Variants in COL6A5 observed in about 807,000 individuals in gnomAD.
The protein encoded by COL6A5 is collagen type VI alpha 5 chain.
A neutral mutation model predicts 65.6 loss-of-function variants in COL6A5; 48 were observed. The ratio of observed to expected loss-of-function variants is 0.73; its 90% CI spans 0.58 to 0.93. COL6A5 has a LOEUF of 0.93. Among genes scored for constraint, COL6A5 ranks in the 40% least tolerant of loss-of-function variants. The pLI, the probability that COL6A5 is intolerant of heterozygous loss-of-function variation, is 0.00. For synonymous variants in COL6A5, 291 were observed against 322.8 expected (o/e 0.90, Z 1.05); for missense variants, 914 against 928.3 (o/e 0.98, Z 0.20).
intron 7 of COL6A5, 37 bp from the exon 41 acceptor site, chr3:130,483,998 T>C (rs1338002230): frequency 6.3e-7 from 1 of 1,590,180 alleles, no homozygotes; most frequent in South Asian, 1.1e-5. Context: ...ACAAATACAA[T>C]GACATTAAAA....
At position 130,384,613 on chromosome 3, in the gene COL6A5, A is replaced by AT. The variant is rs377411992; in HGVS notation, c.1301-187dup. Among the ~76,000 whole-genome samples the AT allele has an allele frequency of 1.5e-3, 222 of 152,174 alleles. 4 individuals are homozygous for AT. Among genetic ancestry groups the AT allele is most frequent in the African/African-American group, 5.1e-3 (213 of 41,548 alleles). ...AACCACTACATTTTGCCCTGTTTCA[A>AT]TTTTCTCACAAGGTGTTGTAAATTT... On this transcript the variant is annotated intron_variant and NMD_transcript_variant, in intron 4 of 41. Coordinates refer to the COL6A5 transcript ENST00000312481.
At chr3:130,387,940 A>C (rs569131588) in intron 5 of COL6A5, among the ~76,000 whole-genome samples, 1 of 151,914 alleles carries the variant, frequency 6.6e-6, no homozygotes, top group African/African-American at 2.4e-5. Context: ...ATATATGTAT[A>C]TATATATATA....
At chr3:130,381,225 G>A (rs1487022099) in intron 4 of COL6A5, among the ~76,000 whole-genome samples, 1 of 152,114 alleles carries the variant, frequency 6.6e-6, no homozygotes, top group Non-Finnish European at 1.5e-5. Context: ...AATTGGTGTA[G>A]AAGAAGGAGA....
At chr3:130,347,883 TG>T (rs1168558807) in intron 1 of COL6A5, among the ~76,000 whole-genome samples, 1 of 152,110 alleles carries the variant, frequency 6.6e-6, no homozygotes, top group Admixed American at 6.5e-5. Context: ...GAAGAGGAGT[TG>T]GGCACTGGGC....
At chr3:130,361,437 A>C (rs1935103017) in intron 1 of COL6A5, among the ~76,000 whole-genome samples, 1 of 152,084 alleles carries the variant, frequency 6.6e-6, no homozygotes. Context: ...AGTCCTAAAT[A>C]ATCTATTGGC....
chr3:130,348,970 TTTC>T (rs1934603746), intron 1 of COL6A5, among the ~76,000 whole-genome samples: 1 of 152,176 alleles, frequency 6.6e-6, no homozygotes, highest in African/African-American at 2.4e-5. Flanking sequence ...GTTGTTTGTT[TTTC>T]TGTTGTGAAT....
chr3:130,356,590 C>T (rs771248304), intron 1 of COL6A5, among the ~76,000 whole-genome samples: 9 of 151,912 alleles, frequency 5.9e-5, no homozygotes, highest in Non-Finnish European at 8.8e-5. Flanking sequence ...ATAGGGGAAA[C>T]TTTGACATAT....
At chr3:130,431,410 G>A (rs149223520), upstream of COL6A5, 75 of 1,539,072 alleles carry the variant, frequency 4.9e-5, 1 homozygote, top group African/African-American at 8.8e-4. Flanking sequence ...AAGAGTTGGG[G>A]AAAGGATTTT....
chr3:130,422,566 A>G (rs1937536326), intron 27 of COL6A5, among the ~76,000 whole-genome samples, 154 bp from the exon 28 acceptor site: 1 of 152,060 alleles, frequency 6.6e-6, no homozygotes, highest in African/African-American at 2.4e-5. Flanking sequence ...ACTTAGTTCC[A>G]AATGACAGGA....
At chr3:130,484,165 CA>C in exon 8 of COL6A5, 1 of 1,030,780 alleles carries the variant, frequency 9.7e-7, no homozygotes, top group Non-Finnish European at 1.3e-6. Context: ...GGACTTTTCA[CA>C]AAAACAATTG....
intron 7 of COL6A5, among the ~76,000 whole-genome samples, chr3:130,480,413 T>C (rs1710207372): frequency 6.6e-6 from 1 of 152,020 alleles, no homozygotes; most frequent in Non-Finnish European, 1.5e-5. Flanking sequence ...AAATGAAATA[T>C]TTTAAAGCAT....
chr3:130,413,685 T>TA (rs766927394), intron 21 of COL6A5, 105 bp downstream of exon 21: 1 of 1,173,852 alleles, frequency 8.5e-7, no homozygotes, highest in Non-Finnish European at 1.2e-6. Context: ...TACAAGGGTA[T>TA]AGGAAGTGCC....
Position 130,434,745 on chromosome 3 carries a change from G to A in COL6A5, c.487+2796G>A, listed in dbSNP as rs190638046. Among the ~76,000 whole-genome samples, 326 of 152,294 alleles carry A rather than the reference G, an allele frequency of 2.1e-3. 1 individual carries two copies. The highest frequency in any genetic ancestry group is 7.5e-3 in the African/African-American group (311 of 41,562). The stretch of plus-strand genomic sequence containing the variant: ...CCACATAAATGTCTTCTTTTGAGAA[G>A]TGTCTCTTCATATCCTTTGCTCATT... On this transcript the variant is annotated intron_variant, in intron 1 of 7. Transcript: ENST00000512836.
rs1301992463 is a variant in COL6A5, at chr3:130,376,838, T to G, written c.667+2T>G. The G allele has an allele frequency of 6.2e-7, 1 of 1,604,888 alleles. No individual in the cohort carries two copies. The highest frequency in any genetic ancestry group is 8.5e-7 in the Non-Finnish European group (1 of 1,175,102). ...GAGCCGTCGATGCTGATATGCAAGG[T>G]AAGGAAACCCTTGGTTGAAGAGGTG... On this transcript the variant is annotated splice_donor_variant and NMD_transcript_variant, in intron 3 of 41. Transcript: ENST00000312481.
rs35177024 is a variant in COL6A5, at chr3:130,398,128, G to GTTTT, written c.3991+34_3991+37dup. 1,056 of 903,546 alleles carry GTTTT rather than the reference G, an allele frequency of 1.2e-3. 4 individuals are homozygous for GTTTT. The highest frequency in any genetic ancestry group is 1.5e-3 in the South Asian group (81 of 53,956). 56.0% of individuals were successfully genotyped at this position (903,546 alleles called of 1,614,324 possible). ...GAGAAGCAGGTATTGAGTTGTTGTT[G>GTTTT]TTTTTTTTTTTTTTTTTTTTGAGAT... On this transcript the variant is annotated intron_variant and NMD_transcript_variant, in intron 10 of 41. Transcript: ENST00000312481.
At chr3:130,362,324 ATATTTT>A (rs1935165543) in intron 1 of COL6A5, among the ~76,000 whole-genome samples, 1 of 2,736 alleles carries the variant, frequency 3.7e-4, no homozygotes. Flanking sequence ...ATATATATAT[ATATTTT>A]TTTTTTTTTT....
intron 4 of COL6A5, among the ~76,000 whole-genome samples, chr3:130,451,519 G>T (rs983783773): frequency 6.6e-6 from 1 of 151,778 alleles, no homozygotes; most frequent in South Asian, 2.1e-4. Context: ...TGAAGTGGAT[G>T]GGGGAGGGCC....
intron 17 of COL6A5, 64 bp downstream of exon 17, chr3:130,406,385 CTG>C (rs1461659001): frequency 1.6e-6 from 2 of 1,283,946 alleles, no homozygotes; most frequent in African/African-American, 2.9e-5. Flanking sequence ...GTCTTAACTG[CTG>C]TGTGTCAGTG....
chr3:130,397,679 C>A (rs1297618595), exon 9 of COL6A5: 6 of 1,548,822 alleles, frequency 3.9e-6, no homozygotes, highest in Non-Finnish European at 5.2e-6. Flanking sequence ...TCCTACCTCC[C>A]AGGCATCTTA....
Sources: gnomAD v4.1 joint callset for allele counts (sites outside exome capture counted in the v4.1 genomes callset) on GRCh38, gnomAD v4.1.1 for gene constraint, MANE v1.5 for transcripts, NCBI Gene and HGNC (gene_info 2026-07-23, HGNC 2026-07-21) for gene names.